The following DTNB variants were observed in gnomAD, a reference collection of about 807,000 sequenced individuals.
DTNB encodes dystrobrevin beta, also known as DTN-B.
DTNB carries 63 observed loss-of-function variants against 90.7 expected under a neutral mutation model. The ratio of observed to expected loss-of-function variants is 0.69; its 90% CI spans 0.57 to 0.86. The LOEUF is 0.86. Among genes scored for constraint, DTNB ranks in the 40% least tolerant of loss-of-function variants. The pLI is 0.00. For synonymous variants in DTNB, 277 were observed against 286.7 expected (o/e 0.97, Z 0.34); for missense variants, 744 against 807.1 (o/e 0.92, Z 0.95).
intron 17 of DTNB, 57 bp downstream of exon 17, chr2:25,388,145 T>C (rs2040040313): frequency 4.5e-6 from 7 of 1,538,716 alleles, no homozygotes; most frequent in Admixed American, 2.0e-5. Flanking sequence ...AGCAGGAATC[T>C]TGTCCGTGTT....
Position 25,583,804 on chromosome 2 carries a change from C to T in DTNB, c.604-2978G>A, listed in dbSNP as rs143604378. On this transcript the variant is annotated intron_variant, in intron 6 of 20. Coordinates refer to ENST00000406818, the MANE Select transcript of DTNB (RefSeq NM_021907.5). ...AAAGTGCTGGGATTACAGGCGTGAA[C>T]CACTGCACCCAATCATGGAGTTTTT... Among the ~76,000 whole-genome samples the T allele has an allele frequency of 6.3e-3, 962 of 152,126 alleles. 7 individuals carry two copies. The highest frequency in any genetic ancestry group is 0.022 in the African/African-American group (901 of 41,508).
intron 9 of DTNB, among the ~76,000 whole-genome samples, chr2:25,491,772 A>G (rs1400999572): frequency 6.6e-6 from 1 of 151,860 alleles, no homozygotes; most frequent in Non-Finnish European, 1.5e-5. Context: ...GAGTGTCTTT[A>G]CTAATAATAG....
At chr2:25,614,735 T>C (rs1037581575) in intron 4 of DTNB, among the ~76,000 whole-genome samples, 3 of 152,208 alleles carry the variant, frequency 2.0e-5, no homozygotes, top group African/African-American at 7.2e-5. Context: ...TGCGATTCAA[T>C]GCAATCCTCT....
At chr2:25,554,829 A>T (rs1382040722) in intron 8 of DTNB, among the ~76,000 whole-genome samples, 2 of 152,206 alleles carry the variant, frequency 1.3e-5, no homozygotes, top group African/African-American at 4.8e-5. Flanking sequence ...CATGAGATAC[A>T]ACACCATAAA....
intron 10 of DTNB, among the ~76,000 whole-genome samples, chr2:25,460,449 C>G (rs1056772047): frequency 1.4e-4 from 22 of 152,138 alleles, no homozygotes; most frequent in African/African-American, 4.1e-4. Context: ...CTGGCTACAG[C>G]TGCCTACTAC....
chr2:25,457,758 T>C lies in DTNB; in HGVS notation c.1080-2264A>G, dbSNP rs528257942. ...TCTATTCTTAGTAGTGGTATTTCCA[T>C]TTACAAAATACTGTAATTCTTGATT... On this transcript the variant is annotated intron_variant, in intron 10 of 20. Transcript: ENST00000406818. Among the ~76,000 whole-genome samples the C allele has an allele frequency of 4.6e-5, 7 of 152,292 alleles. No individual in the cohort carries two copies. In the South Asian group the frequency reaches 1.5e-3, roughly 32 times the overall value.
intron 6 of DTNB, among the ~76,000 whole-genome samples, chr2:25,595,455 C>T (rs542799316): frequency 6.6e-6 from 1 of 152,250 alleles, no homozygotes; most frequent in South Asian, 2.1e-4. Flanking sequence ...TTTATCTAAT[C>T]TCTACGTTAA....
chr2:25,609,618 A>C (rs1573360890), intron 4 of DTNB, among the ~76,000 whole-genome samples: 1 of 147,412 alleles, frequency 6.8e-6, no homozygotes, highest in South Asian at 2.1e-4. Flanking sequence ...AAAACTTGTT[A>C]TATATGTTGC....
chr2:25,565,682 AT>A (rs1429507230), intron 8 of DTNB, among the ~76,000 whole-genome samples: 1 of 151,174 alleles, frequency 6.6e-6, no homozygotes, highest in East Asian at 1.9e-4. Context: ...AGATGATCTT[AT>A]TTTTCATCCT....
intron 1 of DTNB, among the ~76,000 whole-genome samples, chr2:25,654,534 G>A (rs1239518801): frequency 3.9e-5 from 6 of 152,130 alleles, no homozygotes; most frequent in African/African-American, 9.7e-5. Flanking sequence ...GTAAACATTC[G>A]AAAACAGCCA....
chr2:25,543,154 TC>T (rs1186766506), intron 8 of DTNB, among the ~76,000 whole-genome samples: 1 of 152,190 alleles, frequency 6.6e-6, no homozygotes, highest in Non-Finnish European at 1.5e-5. Context: ...TGCCTTAAAA[TC>T]CTTTTTCTAA....
At chr2:25,544,125 T>TGTGGAGTA (rs772283486) in intron 8 of DTNB, among the ~76,000 whole-genome samples, 12 of 152,160 alleles carry the variant, frequency 7.9e-5, no homozygotes, top group Admixed American at 2.0e-4. Context: ...GCGTGGGGGA[T>TGTGGAGTA]GTGGAGTACC....
chr2:25,570,997 G>A (rs1392405245), intron 8 of DTNB, among the ~76,000 whole-genome samples: 1 of 152,106 alleles, frequency 6.6e-6, no homozygotes, highest in East Asian at 1.9e-4. Flanking sequence ...CAACATGTCC[G>A]GAACAAACGG....
At chr2:25,464,630 A>G (rs1003215728) in intron 10 of DTNB, among the ~76,000 whole-genome samples, 3 of 152,198 alleles carry the variant, frequency 2.0e-5, no homozygotes, top group Non-Finnish European at 2.9e-5. Flanking sequence ...AGGGATTTCC[A>G]AAGAACAGAG....
intron 9 of DTNB, among the ~76,000 whole-genome samples, chr2:25,518,502 C>A (rs1028481384): frequency 6.6e-6 from 1 of 152,254 alleles, no homozygotes; most frequent in South Asian, 2.1e-4. Context: ...CTCTCACACA[C>A]ACACACAGAG....
chr2:25,626,757 T>G (rs1206848382), intron 4 of DTNB, among the ~76,000 whole-genome samples: 1 of 152,228 alleles, frequency 6.6e-6, no homozygotes, highest in Non-Finnish European at 1.5e-5. Flanking sequence ...TCCTCCCTAT[T>G]ATAAGATATA....
chr2:25,524,693 G>A (rs553537572), intron 9 of DTNB, among the ~76,000 whole-genome samples: 1 of 152,114 alleles, frequency 6.6e-6, no homozygotes, highest in South Asian at 2.1e-4. Flanking sequence ...CTGTCCCTAC[G>A]CTTTCTTCCC....
chr2:25,533,015 T>G (rs2078554489), intron 8 of DTNB, among the ~76,000 whole-genome samples: 1 of 152,140 alleles, frequency 6.6e-6, no homozygotes. Flanking sequence ...ACTATTCCCG[T>G]CAACATACTA....
chr2:25,407,276 CT>C (rs954693987), intron 16 of DTNB, among the ~76,000 whole-genome samples: 4 of 152,166 alleles, frequency 2.6e-5, no homozygotes, highest in African/African-American at 4.8e-5. Context: ...AAACAATATA[CT>C]TTGGCATGGA....
Sources: allele counts gnomAD v4.1 joint callset (sites outside exome capture counted in the v4.1 genomes callset), GRCh38; gene constraint gnomAD v4.1.1; transcripts MANE v1.5; gene names NCBI Gene and HGNC (gene_info 2026-07-23, HGNC 2026-07-21).